Variants in FAM229B observed in about 807,000 individuals in gnomAD.
FAM229B encodes the protein family with sequence similarity 229 member B, also known as protein FAM229B.
Under a neutral mutation model 6.7 loss-of-function variants are expected in FAM229B, and 2 were observed. The observed-to-expected ratio is 0.30, with a 90% CI of 0.12 to 0.94. The LOEUF (loss-of-function observed/expected upper bound fraction) is 0.94. FAM229B is among the 40% of genes least tolerant of loss of function. The pLI is 0.54. For synonymous variants in FAM229B, 29 were observed against 34.0 expected, an observed-to-expected ratio of 0.85 and a Z score of 0.51; for missense variants, 93 against 96.2, an observed-to-expected ratio of 0.97 and a Z score of 0.14.
rs1777410238 is a variant in FAM229B, at chr6:112,102,348, A to C, written c.*1561A>C. ...AAAATACAAAAATTAGTCGGGTATG[A>C]TGGGCAGGTGCCTGTAATTCCAGCT... is the stretch of plus-strand genomic sequence containing the variant. On this transcript the variant is annotated 3_prime_UTR_variant, in exon 4 of 4. Transcript: ENST00000368656. The C allele has an allele frequency of 6.6e-6, 1 of 152,052 alleles. No individual in the cohort carries two copies. Among genetic ancestry groups the C allele is most frequent in the Admixed American group, 6.6e-5 (1 of 15,250 alleles). The allele number at this position is 152,052 out of a possible 1,614,324, so 9.4% of individuals were successfully genotyped here.
intron 3 of FAM229B, among the ~76,000 whole-genome samples, chr6:112,099,817 G>A (rs1777373024): frequency 6.6e-6 from 1 of 152,238 alleles, no homozygotes; most frequent in Non-Finnish European, 1.5e-5. Flanking sequence ...TTAGACCTCA[G>A]AGTTAATGTC....
rs1006461323 is a variant in FAM229B at position 112,097,216 on chromosome 6, C to T, written c.-15+15C>T. On this transcript the variant is annotated intron_variant, in intron 2 of 3. Coordinates refer to ENST00000368656, the MANE Select transcript of FAM229B (RefSeq NM_001033564.3). ...AGCCTCTTTTGGTAAGTCTATTTATCCTTGATCAAATTAGCTAAATGTTAA... is the reference window on the plus strand; with the variant it reads ...AGCCTCTTTTGGTAAGTCTATTTATTCTTGATCAAATTAGCTAAATGTTAA... 3.9e-5 allele frequency: 6 copies of T among 152,244 alleles called. No homozygotes were observed. The East Asian group carries it at 1.2e-3, about 29-fold the overall frequency. The allele number at this position is 152,244 out of a possible 1,614,324, so 9.4% of individuals were successfully genotyped here. A position where few individuals can be genotyped will look rare whatever the true frequency, so the allele number is the denominator to read the frequency against.
chr6:112,102,380 G>T lies in FAM229B; in HGVS notation c.*1593G>T, dbSNP rs1423418553. On this transcript the variant is annotated 3_prime_UTR_variant, in exon 4 of 4. Transcript: ENST00000368656. ...GGTGCCTGTAATTCCAGCTACTTGG[G>T]AGGCTGAGGCAGGAAAATAGCTTGA... 1 of 152,272 alleles carries T rather than the reference G, an allele frequency of 6.6e-6. No homozygotes were observed. The highest frequency in any genetic ancestry group is 1.9e-4 in the East Asian group (1 of 5,198). 9.4% of individuals were successfully genotyped at this position (152,272 alleles called of 1,614,324 possible).
At chr6:112,092,621 G>A (rs1022055609) in intron 1 of FAM229B, among the ~76,000 whole-genome samples, 18 of 152,026 alleles carry the variant, frequency 1.2e-4, no homozygotes, top group African/African-American at 4.1e-4. Context: ...CACTGAAAAT[G>A]ATAAAAATGT....
At position 112,101,080 on chromosome 6, in the gene FAM229B, C is replaced by T; in HGVS notation, c.*293C>T. ...CAATAATTAAAGATGAAGCTTAATC[C>T]ACCATGGTCATCAGTCAGGTGGGGC... On this transcript the variant is annotated 3_prime_UTR_variant, in exon 4 of 4. Transcript: ENST00000368656. The T allele has an allele frequency of 4.1e-6, 1 of 243,934 alleles. No individual in the cohort carries two copies. Among genetic ancestry groups the T allele is most frequent in the Non-Finnish European group, 7.9e-6 (1 of 126,890 alleles). The allele number at this position is 243,934 out of a possible 1,614,324, so 15.1% of individuals were successfully genotyped here.
At chr6:112,096,524 C>G (rs1430126838) in intron 1 of FAM229B, among the ~76,000 whole-genome samples, 1 of 152,070 alleles carries the variant, frequency 6.6e-6, no homozygotes, top group Non-Finnish European at 1.5e-5. Flanking sequence ...CCACTGCACT[C>G]CAGCCTGGGT....
At chr6:112,096,761 G>C (rs757308922) in intron 1 of FAM229B, among the ~76,000 whole-genome samples, 1 of 151,868 alleles carries the variant, frequency 6.6e-6, no homozygotes, top group Non-Finnish European at 1.5e-5. Flanking sequence ...GGAGTGAGAT[G>C]AGGATGTAGA....
intron 1 of FAM229B, among the ~76,000 whole-genome samples, chr6:112,093,634 T>A (rs1777285520): frequency 6.6e-6 from 1 of 152,064 alleles, no homozygotes; most frequent in Non-Finnish European, 1.5e-5. Context: ...CTAAATAAAT[T>A]TAAAAGAATT....
intron 1 of FAM229B, 61 bp downstream of exon 1, chr6:112,087,781 A>G: frequency 3.3e-6 from 1 of 303,312 alleles, no homozygotes; most frequent in Non-Finnish European, 6.1e-6. Flanking sequence ...GTGGGCTATC[A>G]GAGGTTTAAT....
chr6:112,095,246 C>T (rs1163845019), intron 1 of FAM229B, among the ~76,000 whole-genome samples: 1 of 152,088 alleles, frequency 6.6e-6, no homozygotes, highest in African/African-American at 2.4e-5. Context: ...TTTTTAATTC[C>T]TCACGACAAC....
chr6:112,100,276 C>G (rs1554319110), intron 3 of FAM229B, among the ~76,000 whole-genome samples: 1 of 152,204 alleles, frequency 6.6e-6, no homozygotes, highest in African/African-American at 2.4e-5. Flanking sequence ...TATTTTACCA[C>G]AAACATTCTT....
chr6:112,100,947 C>T lies in FAM229B; in HGVS notation c.*160C>T, dbSNP rs1030836723. 1 of 622,520 alleles carries T rather than the reference C, an allele frequency of 1.6e-6. No homozygotes were observed. The highest frequency in any genetic ancestry group is 2.9e-6 in the Non-Finnish European group (1 of 347,902). The allele number at this position is 622,520 out of a possible 1,614,324, so 38.6% of individuals were successfully genotyped here. On this transcript the variant is annotated 3_prime_UTR_variant, in exon 4 of 4. Transcript: ENST00000368656. ...ACCGACAGAAATGTAGTCAGTAAAG[C>T]ACATGTAGTGATAGGCTATCAGTTA...
intron 2 of FAM229B, among the ~76,000 whole-genome samples, chr6:112,097,490 A>C (rs1777342240): frequency 1.3e-5 from 2 of 152,064 alleles, no homozygotes; most frequent in South Asian, 4.1e-4. Context: ...GTGTACTAAT[A>C]GTTGAATACA....
intron 1 of FAM229B, among the ~76,000 whole-genome samples, chr6:112,092,245 A>G (rs1554318250): frequency 1.3e-5 from 2 of 152,112 alleles, no homozygotes; most frequent in African/African-American, 2.4e-5. Context: ...GAAAGAAACT[A>G]TGCCAAGTAC....
intron 1 of FAM229B, among the ~76,000 whole-genome samples, chr6:112,091,874 C>T (rs1236688302): frequency 1.4e-5 from 2 of 142,614 alleles, no homozygotes; most frequent in Non-Finnish European, 3.2e-5. Context: ...TGAGAAGGGA[C>T]AAAGAAATAT....
chr6:112,090,463 A>G (rs1777242837), intron 1 of FAM229B, among the ~76,000 whole-genome samples: 1 of 152,122 alleles, frequency 6.6e-6, no homozygotes, highest in African/African-American at 2.4e-5. Context: ...TTGCTGCTTG[A>G]CCACTTAGGT....
intron 1 of FAM229B, among the ~76,000 whole-genome samples, chr6:112,093,733 ATACT>A (rs373505949): frequency 3.6e-4 from 55 of 152,168 alleles, no homozygotes; most frequent in African/African-American, 1.3e-3. Context: ...ATATTGGAAA[ATACT>A]TATATAGAAC....
rs1488960425 is a variant in FAM229B at position 112,101,573 on chromosome 6, T to G, written c.*786T>G. On this transcript the variant is annotated 3_prime_UTR_variant, in exon 4 of 4. Transcript: ENST00000368656. Reference sequence around the variant, plus strand: ...GATCACTTTTGAGGATGAGGCCAGCTCTCTATGTTCTCTTTTTCTTCTTGC... The same window carrying G: ...GATCACTTTTGAGGATGAGGCCAGCGCTCTATGTTCTCTTTTTCTTCTTGC... 1.3e-5 allele frequency: 2 copies of G among 152,094 alleles called. No individual in the cohort carries two copies. Among genetic ancestry groups the G allele is most frequent in the African/African-American group, 4.8e-5 (2 of 41,414 alleles). 9.4% of individuals were successfully genotyped at this position (152,094 alleles called of 1,614,324 possible). A position where few individuals can be genotyped will look rare whatever the true frequency, so the allele number is the denominator to read the frequency against.
chr6:112,099,450 C>A, intron 3 of FAM229B, 42 bp downstream of exon 3: 1 of 1,550,444 alleles, frequency 6.4e-7, no homozygotes, highest in Non-Finnish European at 8.8e-7. Context: ...TATGTATTGG[C>A]TATCATCAAT....
Sources: gnomAD v4.1 joint callset for allele counts (sites outside exome capture counted in the v4.1 genomes callset) on GRCh38, gnomAD v4.1.1 for gene constraint, MANE v1.5 for transcripts, NCBI Gene and HGNC (gene_info 2026-07-23, HGNC 2026-07-21) for gene names.